The following ZBTB4 variants were observed in gnomAD, a reference collection of about 807,000 sequenced individuals.
The protein encoded by ZBTB4 is zinc finger and BTB domain containing 4.
In ZBTB4, 14 loss-of-function variants were observed where a neutral mutation model predicts 59.8. The observed-to-expected ratio is 0.23, with a 90% confidence interval of 0.15 to 0.37. ZBTB4 has a LOEUF of 0.37. Ranked by LOEUF, ZBTB4 falls within the 10% of genes least tolerant of loss-of-function variation. ZBTB4 has a pLI of 1.00. For synonymous variants in ZBTB4, 587 were observed against 575.2 expected (o/e 1.02, Z -0.29); for missense variants, 1,198 against 1,380.8 (o/e 0.87, Z 2.10).
rs1284706973 is a variant in ZBTB4 at position 7,466,277 on chromosome 17, A to G, written c.525T>C (p.Leu175=). 1.2e-6 allele frequency: 2 copies of G among 1,613,242 alleles called. No individual in the cohort carries two copies. Among genetic ancestry groups the G allele is most frequent in the African/African-American group, 2.7e-5 (2 of 74,912 alleles). The change falls in exon 3 of 4, where the codon CTT becomes CTC. Residue 175 remains leucine, a synonymous_variant. Coordinates refer to ENST00000380599, the MANE Select transcript of ZBTB4 (RefSeq NM_001128833.2). This position sits in a 1 kb window ranked among gnomAD's most constrained non-coding sequence, Gnocchi z 9.1. ...ALGRRLGISR[L]QGLGEGGDAW... The stretch of plus-strand genomic sequence containing the variant: ...CATCACCTCCCTCCCCCAGGCCCTG[A>G]AGGCGGGAGATGCCCAGACGGCGCC...
At chr17:7,481,855 G>A (rs8065577), upstream of ZBTB4, 1 of 1,311,968 alleles carries the variant, frequency 7.6e-7, no homozygotes, top group African/African-American at 1.5e-5. Flanking sequence ...TTCTAGCTCC[G>A]AAGAGTTCCT....
upstream of ZBTB4, chr17:7,482,358 T>C (rs762806956): frequency 5.6e-6 from 9 of 1,614,008 alleles, no homozygotes; most frequent in South Asian, 6.6e-5. Flanking sequence ...GTTCAGGTGG[T>C]GCCCGCTGGC....
At position 7,462,925 on chromosome 17, in the gene ZBTB4, C is replaced by A. The variant is rs369833358; in HGVS notation, c.2057G>T (p.Gly686Val). The change falls in exon 4 of 4, where the codon GGC (glycine) becomes GTC (valine). Residue 686 changes from glycine to valine, a missense_variant. This residue lies in a region of ZBTB4 where 550 missense variants were observed against 541.8 expected (regional missense o/e 1.02). Transcript: ENST00000380599. This position sits in a 1 kb window ranked among gnomAD's most constrained non-coding sequence, Gnocchi z 7.5. ...CCGGCGGCCTCGGGGCAGCCCACTG[C>A]CCCCCACACTGGCACCTCCAGCAGC... ...AGAAGGASVG[G>V]SGLPRGRRPP... 1.2e-5 allele frequency: 19 copies of A among 1,608,960 alleles called. No individual in the cohort carries two copies. The highest frequency in any genetic ancestry group is 1.6e-5 in the Non-Finnish European group (19 of 1,179,016).
At chr17:7,465,263 C>T (rs1253017566) in intron 3 of ZBTB4, among the ~76,000 whole-genome samples, 1 of 151,582 alleles carries the variant, frequency 6.6e-6, no homozygotes, top group Non-Finnish European at 1.5e-5. Context: ...TCAAGACCAT[C>T]CTGACCAACA....
At chr17:7,473,785 A>G (rs2070231844) in intron 1 of ZBTB4, among the ~76,000 whole-genome samples, 1 of 152,052 alleles carries the variant, frequency 6.6e-6, no homozygotes, top group South Asian at 2.1e-4. Context: ...CCTGGTCTCA[A>G]GCAATCCGCC....
upstream of ZBTB4, among the ~76,000 whole-genome samples, chr17:7,480,116 C>G (rs1417510663): frequency 6.6e-6 from 1 of 151,936 alleles, no homozygotes; most frequent in East Asian, 1.9e-4. Context: ...CAGCAGGCCG[C>G]GGAAAAAGAA....
rs1472827288 is a variant in ZBTB4 at position 7,461,236 on chromosome 17, A to C, written c.*704T>G. The C allele has an allele frequency of 6.5e-6, 1 of 152,710 alleles. No homozygotes were observed. Among genetic ancestry groups the C allele is most frequent in the African/African-American group, 2.4e-5 (1 of 41,454 alleles). 9.5% of individuals were successfully genotyped at this position (152,710 alleles called of 1,614,324 possible). ...CTGGACTGGGAAAGTGCTCAGCCACAGAACAGAGGGGCAGAGGGGCAACCC... is the reference window on the plus strand; with the variant it reads ...CTGGACTGGGAAAGTGCTCAGCCACCGAACAGAGGGGCAGAGGGGCAACCC... On this transcript the variant is annotated 3_prime_UTR_variant, in exon 4 of 4. Coordinates refer to ENST00000380599, the MANE Select transcript of ZBTB4 (RefSeq NM_001128833.2).
chr17:7,475,803 G>A (rs1254825862), intron 1 of ZBTB4, among the ~76,000 whole-genome samples: 3 of 152,118 alleles, frequency 2.0e-5, no homozygotes, highest in East Asian at 1.9e-4. Context: ...ACTCGAGGTC[G>A]CACAGCTTGT....
rs1368413529 is a variant in ZBTB4, at chr17:7,466,539, G to T, written c.263C>A (p.Ser88Tyr). 6.2e-7 allele frequency: 1 copy of T among 1,612,694 alleles called. No homozygotes were observed. The highest frequency in any genetic ancestry group is 1.7e-5 in the Admixed American group (1 of 59,738). ...PATTTAASSS[S>Y]SSSSSSSSSS... ...AGAGGAAGAAGACGAGGAAGAGGAG[G>T]AGGAGGAAGAGGCAGCTGTGGTGGT... Residue 88 changes from serine to tyrosine, a missense_variant, in exon 3 of 4, where the codon TCC becomes TAC. By Grantham distance (144) the Ser-to-Tyr change is moderately radical. Around this residue, in one of 9 missense-constraint regions of ZBTB4, gnomAD observed 83 missense variants for 76.5 expected, o/e 1.09. Transcript: ENST00000380599. This position sits in a 1 kb window ranked among gnomAD's most constrained non-coding sequence, Gnocchi z 9.1.
upstream of ZBTB4, chr17:7,481,273 T>G (rs1177153798): frequency 1.8e-5 from 7 of 396,776 alleles, no homozygotes; most frequent in Non-Finnish European, 2.9e-5. Flanking sequence ...GAGGTTGCAG[T>G]GAGATGAGAT....
intron 1 of ZBTB4, among the ~76,000 whole-genome samples, chr17:7,478,078 G>C (rs2070293638): frequency 6.6e-6 from 1 of 152,066 alleles, no homozygotes. Context: ...CGCACACACA[G>C]CCTGCTTGCG....
At position 7,460,099 on chromosome 17, in the gene ZBTB4, G is replaced by A. The variant is rs1475135743; in HGVS notation, c.*1841C>T. Reference sequence around the variant, plus strand: ...AAAGTGCCAGAAACAAGATTTGTGGGAATTTTTAGTGATTTTTTTTTTTGT... The same window carrying A: ...AAAGTGCCAGAAACAAGATTTGTGGAAATTTTTAGTGATTTTTTTTTTTGT... On this transcript the variant is annotated 3_prime_UTR_variant, in exon 4 of 4. Transcript: ENST00000380599. The A allele has an allele frequency of 9.4e-6, 1 of 106,624 alleles. No individual in the cohort carries two copies. The highest frequency in any genetic ancestry group is 2.0e-5 in the Non-Finnish European group (1 of 50,566). The allele number at this position is 106,624 out of a possible 1,614,324, so 6.6% of individuals were successfully genotyped here.
upstream of ZBTB4, chr17:7,483,223 C>G: frequency 3.5e-6 from 3 of 854,956 alleles, no homozygotes; most frequent in Non-Finnish European, 5.3e-6. Context: ...GTCCTGGAAT[C>G]AGGGCATAAC....
At chr17:7,475,769 G>A (rs1382764057) in intron 1 of ZBTB4, among the ~76,000 whole-genome samples, 1 of 152,138 alleles carries the variant, frequency 6.6e-6, no homozygotes, top group Non-Finnish European at 1.5e-5. Context: ...AGAGGAAACC[G>A]AGGCTCAGAG....
Position 7,463,163 on chromosome 17 carries a change from G to T in ZBTB4, c.1819C>A (p.Arg607=), listed in dbSNP as rs1437274335. ...APPPLCQITV[R]IGEEAIVKRR... ...TTGACGATGGCCTCCTCCCCTATTC[G>T]CACAGTGATCTGACACAGTGGAGGT... Residue 607 remains arginine (R), a synonymous_variant, in exon 4 of 4, where the codon CGA becomes AGA. Transcript: ENST00000380599. 6.2e-7 allele frequency: 1 copy of T among 1,607,000 alleles called. No homozygotes were observed. Among genetic ancestry groups the T allele is most frequent in the Non-Finnish European group, 8.5e-7 (1 of 1,178,672 alleles).
In ZBTB4 at chr17:7,463,652, T is replaced by C. The variant is rs1284472587; in HGVS notation, c.1330A>G (p.Asn444Asp). ...GGCATTGCCACAGGGGCCGGTGTGTTGAGGGTTGGAGAAAGGGGAGCCTCC... is the reference window on the plus strand; with the variant it reads ...GGCATTGCCACAGGGGCCGGTGTGTCGAGGGTTGGAGAAAGGGGAGCCTCC... ...APEAPLSPTL[N>D]TPAPVAMPAS... Residue 444 changes from asparagine (N) to aspartate (D), a missense_variant, in exon 4 of 4, where the codon AAC (asparagine) becomes GAC (aspartate). Around this residue, in one of 9 missense-constraint regions of ZBTB4, gnomAD observed 550 missense variants for 541.8 expected, o/e 1.02. Transcript: ENST00000380599. The C allele has an allele frequency of 1.9e-6, 3 of 1,613,048 alleles. No homozygotes were observed. Among genetic ancestry groups the C allele is most frequent in the Non-Finnish European group, 2.5e-6 (3 of 1,179,642 alleles).
rs1274026098 is a variant in ZBTB4 at position 7,466,543 on chromosome 17, A to AGGG, written c.258_259insCCC (p.Ser86_Ser87insPro). 2 of 1,612,606 alleles carry AGGG rather than the reference A, an allele frequency of 1.2e-6. No individual in the cohort carries two copies. The highest frequency in any genetic ancestry group is 1.7e-6 in the Non-Finnish European group (2 of 1,179,428). On this transcript the variant is annotated inframe_insertion, in exon 3 of 4. Transcript: ENST00000380599. The surrounding 1 kb of genome is among the most constrained non-coding windows in gnomAD (Gnocchi z 9.1). The stretch of plus-strand genomic sequence containing the variant: ...GAAGAAGACGAGGAAGAGGAGGAGG[A>AGGG]GGAAGAGGCAGCTGTGGTGGTGGCA...
chr17:7,462,864 G>GCTC lies in ZBTB4; in HGVS notation c.2115_2117dup (p.Arg705dup). 6.2e-7 allele frequency: 1 copy of GCTC among 1,605,614 alleles called. No individual in the cohort carries two copies. Among genetic ancestry groups the GCTC allele is most frequent in the Non-Finnish European group, 8.5e-7 (1 of 1,179,818 alleles). On this transcript the variant is annotated inframe_insertion, in exon 4 of 4. Coordinates refer to ENST00000380599, the MANE Select transcript of ZBTB4 (RefSeq NM_001128833.2). This position sits in a 1 kb window ranked among gnomAD's most constrained non-coding sequence, Gnocchi z 7.5. ...TCTCGGCCGCTGGGGTTTCCTCCCA[G>GCTC]CTCCTCCGTTCCAGCTTCTGCCTCC...
rs374891909 is a variant in ZBTB4 at position 7,462,343 on chromosome 17, A to G, written c.2639T>C (p.Ile880Thr). 9.3e-5 allele frequency: 150 copies of G among 1,613,656 alleles called. No individual in the cohort carries two copies. The highest frequency in any genetic ancestry group is 1.6e-4 in the Middle Eastern group (1 of 6,080). ...ACCGCCAGGTTCCCGGCCGCCCCCA[A>G]TCAAGGCCAGTGGAAATTCCTGCAC... The part of the protein sequence containing the change: ...PPVQEFPLAL[I>T]GGGREPGGGR... The change falls in exon 4 of 4, where the codon ATT becomes ACT. Residue 880 changes from isoleucine to threonine, a missense_variant. By Grantham distance (89) the Ile-to-Thr change is moderately conservative (BLOSUM62 -1). Transcript: ENST00000380599. The surrounding 1 kb of genome is among the most constrained non-coding windows in gnomAD (Gnocchi z 7.5).
Sources: gnomAD v4.1 joint callset for allele counts (sites outside exome capture counted in the v4.1 genomes callset) on GRCh38, gnomAD v4.1.1 for gene constraint, gnomAD v4.1.1 regional missense constraint, Gnocchi (gnomAD v3.1) non-coding constraint, MANE v1.5 for transcripts, NCBI Gene and HGNC (gene_info 2026-07-23, HGNC 2026-07-21) for gene names.